CSMD1: variants seen among roughly 807,000 people sequenced by gnomAD.
CSMD1 encodes CUB and Sushi multiple domains 1, also known as CUB and sushi domain-containing protein 1.
Under a neutral mutation model 417.5 loss-of-function variants are expected in CSMD1, and 213 were observed. The ratio of observed to expected loss-of-function variants is 0.51; its 90% CI spans 0.46 to 0.57. The LOEUF is 0.57. Among genes scored for constraint, CSMD1 ranks in the 20% least tolerant of loss-of-function variants. The pLI, the probability that CSMD1 is intolerant of heterozygous loss-of-function variation, is 0.00. For missense variants in CSMD1, 6,923 were observed against 4,529.7 expected (o/e 1.53, Z -15.17); for synonymous variants, 2,862 against 1,736.8 (o/e 1.65, Z -16.11).
intron 2 of CSMD1, among the ~76,000 whole-genome samples, chr8:4,565,648 C>G (rs887880561): frequency 6.0e-5 from 9 of 150,874 alleles, no homozygotes; most frequent in African/African-American, 2.0e-4. Context: ...AGCAGGAGAA[C>G]CGTTTGAACC....
At chr8:4,291,395 G>GATTATATATGTATCTTATTATACACATA (rs1797354023) in intron 3 of CSMD1, among the ~76,000 whole-genome samples, 1 of 152,038 alleles carries the variant, frequency 6.6e-6, no homozygotes, top group Admixed American at 6.6e-5. Flanking sequence ...ACCATGTAAA[G>GATTATATATGTATCTTATTATACACATA]TAAATCTCCA....
chr8:4,848,461 T>C (rs545226953), intron 1 of CSMD1, among the ~76,000 whole-genome samples: 1 of 152,358 alleles, frequency 6.6e-6, no homozygotes, highest in Non-Finnish European at 1.5e-5. Context: ...CATGGGTTTG[T>C]TGTGATGTTG....
intron 3 of CSMD1, among the ~76,000 whole-genome samples, chr8:4,417,178 A>G (rs1331670957): frequency 2.0e-5 from 3 of 152,052 alleles, no homozygotes; most frequent in Admixed American, 6.5e-5. Flanking sequence ...TACTGTAAAT[A>G]ATCAATGTTA....
intron 5 of CSMD1, among the ~76,000 whole-genome samples, chr8:3,895,868 T>C (rs546096373): frequency 4.5e-4 from 68 of 152,190 alleles, no homozygotes; most frequent in Non-Finnish European, 7.8e-4. Context: ...CGGATGGGAA[T>C]AGTCAGGTTA....
chr8:3,083,162 T>C (rs980734270), intron 49 of CSMD1, among the ~76,000 whole-genome samples: 1 of 152,164 alleles, frequency 6.6e-6, no homozygotes, highest in African/African-American at 2.4e-5. Context: ...ACGGTGACGA[T>C]TCTTCCTTAT....
At chr8:4,473,885 G>A (rs1442028553) in intron 2 of CSMD1, among the ~76,000 whole-genome samples, 11 of 152,152 alleles carry the variant, frequency 7.2e-5, no homozygotes, top group African/African-American at 2.6e-4. Context: ...GAGAGAGGTA[G>A]CTTTTCAAAT....
At chr8:3,382,350 A>G (rs987298192) in intron 18 of CSMD1, among the ~76,000 whole-genome samples, 1 of 146,414 alleles carries the variant, frequency 6.8e-6, no homozygotes, top group Non-Finnish European at 1.5e-5. Context: ...TTATATATGT[A>G]TATTTATTAT....
At chr8:4,474,425 T>C (rs1045191585) in intron 2 of CSMD1, among the ~76,000 whole-genome samples, 10 of 152,212 alleles carry the variant, frequency 6.6e-5, no homozygotes, top group African/African-American at 1.9e-4. Flanking sequence ...CAGAGGGTCA[T>C]AGAAGTGAAA....
intron 6 of CSMD1, among the ~76,000 whole-genome samples, chr8:3,713,336 C>T (rs994435983): frequency 6.6e-6 from 1 of 152,296 alleles, no homozygotes; most frequent in African/African-American, 2.4e-5. Context: ...ATTTGAATGG[C>T]AGTGGATTCT....
intron 6 of CSMD1, among the ~76,000 whole-genome samples, chr8:3,741,144 G>A (rs374559377): frequency 7.9e-5 from 12 of 151,006 alleles, no homozygotes; most frequent in African/African-American, 2.7e-4. Context: ...AAGCTGGGAG[G>A]TGGAGGTTGC....
At chr8:4,010,750 G>A (rs1816479655) in intron 4 of CSMD1, among the ~76,000 whole-genome samples, 1 of 151,932 alleles carries the variant, frequency 6.6e-6, no homozygotes, top group Middle Eastern at 3.2e-3. Context: ...CATCCTTAGG[G>A]CTCATGGCCT....
At chr8:3,613,807 C>T (rs756501554) in intron 8 of CSMD1, among the ~76,000 whole-genome samples, 8 of 151,464 alleles carry the variant, frequency 5.3e-5, no homozygotes, top group African/African-American at 1.5e-4. Flanking sequence ...AACCAACAAG[C>T]AATGTCATAA....
chr8:3,068,854 A>G (rs1032406280), intron 49 of CSMD1, among the ~76,000 whole-genome samples: 28 of 152,100 alleles, frequency 1.8e-4, no homozygotes, highest in African/African-American at 6.8e-4. Flanking sequence ...ACAATTCAAC[A>G]CGAGATTTGG....
chr8:4,148,328 T>C (rs56340973), intron 3 of CSMD1, among the ~76,000 whole-genome samples: 43,657 of 132,600 alleles, frequency 0.33, 6,784 homozygotes, highest in Middle Eastern at 0.52. Flanking sequence ...TGAGAACACA[T>C]AGACAGAGGA....
chr8:3,213,268 G>A (rs1026426874), intron 30 of CSMD1, among the ~76,000 whole-genome samples: 2 of 152,130 alleles, frequency 1.3e-5, no homozygotes, highest in South Asian at 4.1e-4. Context: ...CCCTAGAAAT[G>A]AATGTCTCTG....
At chr8:3,496,643 G>A (rs572582514) in intron 10 of CSMD1, among the ~76,000 whole-genome samples, 1 of 152,048 alleles carries the variant, frequency 6.6e-6, no homozygotes, top group African/African-American at 2.4e-5. Flanking sequence ...TTGGCAAACA[G>A]AGTGAAACCC....
intron 1 of CSMD1, among the ~76,000 whole-genome samples, chr8:4,703,576 G>C (rs965815108): frequency 1.3e-5 from 2 of 152,230 alleles, no homozygotes; most frequent in Non-Finnish European, 2.9e-5. Context: ...ATTATGAAAA[G>C]TAATGAAAAC....
At chr8:3,496,962 TGTTA>T (rs1349197649) in intron 10 of CSMD1, among the ~76,000 whole-genome samples, 1 of 150,402 alleles carries the variant, frequency 6.6e-6, no homozygotes, top group African/African-American at 2.4e-5. Context: ...AAGTTTCTCT[TGTTA>T]TTTATTTCTA....
Position 3,205,546 on chromosome 8 carries a change from C to G in CSMD1, c.4942G>C (p.Gly1648Arg). 4 of 1,601,460 alleles carry G rather than the reference C, an allele frequency of 2.5e-6. No individual in the cohort carries two copies. Among genetic ancestry groups the G allele is most frequent in the Non-Finnish European group, 3.4e-6 (4 of 1,172,484 alleles). The change falls in exon 31 of 70, where the codon GGT (glycine) becomes CGT (arginine). Residue 1648 changes from glycine (G) to arginine (R), a missense_variant. Gly to Arg is a moderately radical substitution (Grantham distance 125). Coordinates refer to ENST00000635120, the MANE Select transcript of CSMD1 (RefSeq NM_033225.6). ...SPNYPHNYTA[G>R]QICLYSITVP... ...GTGATGGAATAGAGGCATATTTGAC[C>G]AGCTGTGTAATTATGGGGGTAGTTT...
Sources: allele counts gnomAD v4.1 joint callset (sites outside exome capture counted in the v4.1 genomes callset), GRCh38; gene constraint gnomAD v4.1.1; transcripts MANE v1.5; gene names NCBI Gene and HGNC (gene_info 2026-07-23, HGNC 2026-07-21).